The following LRRC2 variants were observed in gnomAD, a reference collection of about 807,000 sequenced individuals.
LRRC2 encodes leucine-rich repeat-containing protein 2.
Under a neutral mutation model 40.2 loss-of-function variants are expected in LRRC2, and 27 were observed. The ratio of observed to expected loss-of-function variants is 0.67; its 90% CI spans 0.49 to 0.93. LRRC2 has a LOEUF of 0.93. Among genes scored for constraint, LRRC2 ranks in the 40% least tolerant of loss-of-function variants. The pLI is 0.00. For synonymous variants in LRRC2, 147 were observed against 158.9 expected (o/e 0.92, Z 0.56); for missense variants, 402 against 439.6 (o/e 0.91, Z 0.76).
chr3:46,534,562 T>C (rs1704237985), intron 4 of LRRC2, among the ~76,000 whole-genome samples: 1 of 151,998 alleles, frequency 6.6e-6, no homozygotes, highest in African/African-American at 2.4e-5. Flanking sequence ...ATCAAAAAGC[T>C]GAAAAACCTT....
chr3:46,519,357 G>A (rs1340246961), intron 8 of LRRC2, among the ~76,000 whole-genome samples: 2 of 152,206 alleles, frequency 1.3e-5, no homozygotes, highest in Admixed American at 1.3e-4. Flanking sequence ...GAAGCTATAT[G>A]ACCCTACAGT....
At chr3:46,524,358 A>G (rs1704019434) in intron 7 of LRRC2, among the ~76,000 whole-genome samples, 1 of 152,130 alleles carries the variant, frequency 6.6e-6, no homozygotes, top group South Asian at 2.1e-4. Flanking sequence ...TGGAGCCTGG[A>G]CTGCTGGTAC....
At chr3:46,565,997 G>A (rs933212881) in intron 1 of LRRC2, among the ~76,000 whole-genome samples, 180 bp downstream of exon 1, 1 of 152,178 alleles carries the variant, frequency 6.6e-6, no homozygotes, top group Non-Finnish European at 1.5e-5. Flanking sequence ...CTAAGCCCCA[G>A]CCGCTGTCCG....
intron 7 of LRRC2, 132 bp from the exon 8 acceptor site, chr3:46,521,790 T>C: frequency 2.6e-6 from 2 of 782,974 alleles, no homozygotes; most frequent in Admixed American, 5.7e-5. Context: ...CCACATGATA[T>C]CAGCATCACC....
intron 1 of LRRC2, among the ~76,000 whole-genome samples, chr3:46,565,038 G>T (rs2107070022): frequency 6.6e-6 from 1 of 152,330 alleles, no homozygotes; most frequent in East Asian, 1.9e-4. Flanking sequence ...GGGTAAATAG[G>T]AGCTAAATAG....
In LRRC2 at chr3:46,532,780, G is replaced by T. The variant is rs866829910; in HGVS notation, c.620C>A (p.Pro207His). The change falls in exon 5 of 9, where the codon CCC (proline) becomes CAC (histidine). Residue 207 changes from proline to histidine, a missense_variant. Pro to His is a moderately conservative substitution (Grantham distance 77). Coordinates refer to ENST00000395905, the MANE Select transcript of LRRC2 (RefSeq NM_024512.5). ...CSGNLELMEL[P>H]FELSNLKQVT... ...GAAATGTTTATCTCTTACTTCAAAG[G>T]GCAGCTCCATTAATTCTAGATTTCC... 1.2e-6 allele frequency: 2 copies of T among 1,613,200 alleles called. No individual in the cohort carries two copies. Among genetic ancestry groups the T allele is most frequent in the South Asian group, 2.2e-5 (2 of 90,940 alleles).
At position 46,518,735 on chromosome 3, in the gene LRRC2, T is replaced by A; in HGVS notation, c.*279A>T. On this transcript the variant is annotated 3_prime_UTR_variant, in exon 9 of 9. Transcript: ENST00000395905. Reference sequence around the variant, plus strand: ...GTCTTTTAGTTATAATTCTTAAAAATAAGACATTTTAAAACATATTAAATG... The same window carrying A: ...GTCTTTTAGTTATAATTCTTAAAAAAAAGACATTTTAAAACATATTAAATG... The A allele has an allele frequency of 3.2e-6, 1 of 316,992 alleles. No individual in the cohort carries two copies. Among genetic ancestry groups the A allele is most frequent in the Non-Finnish European group, 5.7e-6 (1 of 175,920 alleles). 19.6% of individuals were successfully genotyped at this position (316,992 alleles called of 1,614,324 possible).
chr3:46,539,998 C>T (rs568617358), intron 3 of LRRC2, among the ~76,000 whole-genome samples: 4 of 151,996 alleles, frequency 2.6e-5, no homozygotes, highest in East Asian at 3.9e-4. Flanking sequence ...CTGACCACAA[C>T]GCACCATCAG....
chr3:46,556,106 ACTTT>A (rs577677977), intron 1 of LRRC2, among the ~76,000 whole-genome samples: 3 of 150,208 alleles, frequency 2.0e-5, no homozygotes, highest in South Asian at 2.1e-4. Context: ...TTCTCTTGCT[ACTTT>A]CTTTTTTTTT....
At chr3:46,543,637 T>TAATAATA (rs1553613286) in intron 3 of LRRC2, among the ~76,000 whole-genome samples, 1 of 92,682 alleles carries the variant, frequency 1.1e-5, no homozygotes, top group South Asian at 3.2e-4. Context: ...ATAATAATAA[T>TAATAATA]AATAATAATA....
chr3:46,550,708 TAATTTA>T (rs1704626057), intron 2 of LRRC2, among the ~76,000 whole-genome samples: 1 of 152,170 alleles, frequency 6.6e-6, no homozygotes, highest in African/African-American at 2.4e-5. Flanking sequence ...ATCTTGCTTT[TAATTTA>T]AAGTGTGCAA....
chr3:46,550,386 T>TC (rs1340871220), intron 2 of LRRC2, among the ~76,000 whole-genome samples: 1 of 142,228 alleles, frequency 7.0e-6, no homozygotes, highest in Non-Finnish European at 1.5e-5. Context: ...TCTTTTTTTT[T>TC]TTTTTTTTTT....
chr3:46,523,085 G>A (rs2106978232), intron 7 of LRRC2, among the ~76,000 whole-genome samples: 2 of 152,072 alleles, frequency 1.3e-5, no homozygotes, highest in Middle Eastern at 3.4e-3. Context: ...TTTATTTAAT[G>A]TCTGAACATG....
At chr3:46,522,585 T>C (rs1703982929) in intron 7 of LRRC2, among the ~76,000 whole-genome samples, 1 of 151,482 alleles carries the variant, frequency 6.6e-6, no homozygotes, top group Non-Finnish European at 1.5e-5. Context: ...TGGTGGCACA[T>C]GCCTGTAATC....
chr3:46,524,939 C>G (rs182036750), intron 7 of LRRC2, among the ~76,000 whole-genome samples: 105 of 152,272 alleles, frequency 6.9e-4, no homozygotes, highest in African/African-American at 2.5e-3. Context: ...ATACTTTCCC[C>G]AGTTGCTTAT....
intron 4 of LRRC2, among the ~76,000 whole-genome samples, chr3:46,534,495 C>A (rs1475001414): frequency 3.4e-5 from 5 of 145,562 alleles, no homozygotes; most frequent in Non-Finnish European, 3.0e-5. Flanking sequence ...TTTCTAGCAG[C>A]CGCACCCTTC....
chr3:46,557,160 C>T (rs1036315141), intron 1 of LRRC2, among the ~76,000 whole-genome samples: 5 of 152,114 alleles, frequency 3.3e-5, no homozygotes, highest in Admixed American at 6.6e-5. Context: ...AAATGCCCTG[C>T]CCCGCCTTAA....
chr3:46,530,060 A>G lies in LRRC2; in HGVS notation c.628-10T>C, dbSNP rs1310722581. ...GCTTCAAATTACTTAACTAGAAATG[A>G]ATAACAAAATGTTCTAATTACTTTT... is the stretch of plus-strand genomic sequence containing the variant. On this transcript the variant is annotated splice_polypyrimidine_tract_variant and intron_variant, in intron 5 of 8. Transcript: ENST00000395905. 2 of 1,593,762 alleles carry G rather than the reference A, an allele frequency of 1.3e-6. No homozygotes were observed. Among genetic ancestry groups the G allele is most frequent in the South Asian group, 1.1e-5 (1 of 90,440 alleles).
At chr3:46,550,912 T>A (rs887971018) in intron 2 of LRRC2, among the ~76,000 whole-genome samples, 6 of 152,362 alleles carry the variant, frequency 3.9e-5, no homozygotes, top group Middle Eastern at 3.4e-3. Context: ...TCAACCTTTC[T>A]ACCTTGTAGA....
Sources: gnomAD v4.1 joint callset for allele counts (sites outside exome capture counted in the v4.1 genomes callset) on GRCh38, gnomAD v4.1.1 for gene constraint, MANE v1.5 for transcripts, NCBI Gene and HGNC (gene_info 2026-07-23, HGNC 2026-07-21) for gene names.